Variants in MNT observed in about 807,000 individuals in gnomAD.
MNT encodes MAX network transcriptional repressor.
A neutral mutation model predicts 40.7 loss-of-function variants in MNT; 13 were observed. The observed-to-expected ratio is 0.32, with a 90% CI of 0.21 to 0.51. The LOEUF (loss-of-function observed/expected upper bound fraction) is 0.51, where lower values mean the gene tolerates loss of function less well. MNT is among the 20% of genes least tolerant of loss of function. The pLI, the probability that MNT is intolerant of heterozygous loss-of-function variation, is 0.98. For synonymous variants in MNT, 426 were observed against 354.8 expected (o/e 1.20, Z -2.26); for missense variants, 757 against 792.0 (o/e 0.96, Z 0.53).
intron 4 of MNT, 71 bp downstream of exon 4, chr17:2,393,972 G>C: frequency 9.3e-7 from 1 of 1,078,098 alleles, no homozygotes; most frequent in East Asian, 3.3e-5. Context: ...GCGGGGCGGG[G>C]CGCGGCCGGG....
intron 1 of MNT, among the ~76,000 whole-genome samples, chr17:2,396,262 T>C (rs1046873285): frequency 4.6e-5 from 7 of 152,216 alleles, no homozygotes; most frequent in Non-Finnish European, 8.8e-5. Flanking sequence ...TTCGTCCCTC[T>C]CTGACCCTTC....
intron 1 of MNT, among the ~76,000 whole-genome samples, chr17:2,398,052 G>C (rs1445633355): frequency 1.3e-5 from 2 of 152,240 alleles, no homozygotes; most frequent in Non-Finnish European, 2.9e-5. Context: ...CACAGGGCTA[G>C]GGGTGGAGGA....
intron 1 of MNT, 135 bp downstream of exon 1, chr17:2,400,505 G>C: frequency 1.4e-6 from 1 of 733,092 alleles, no homozygotes; most frequent in Non-Finnish European, 2.1e-6. Context: ...GGCGGCTCTC[G>C]CGGGGAGCCG....
intron 4 of MNT, among the ~76,000 whole-genome samples, chr17:2,393,153 G>A (rs1244621337): frequency 1.5e-5 from 1 of 66,330 alleles, no homozygotes; most frequent in African/African-American, 4.4e-5. Flanking sequence ...CCCCCCCAAC[G>A]CGGGCTGGGA....
Position 2,387,618 on chromosome 17 carries a change from C to T in MNT, c.1032G>A (p.Glu344=), listed in dbSNP as rs2066477944. The T allele has an allele frequency of 1.9e-6, 3 of 1,613,974 alleles. No individual in the cohort carries two copies. The African/African-American group carries it at 4.0e-5, about 22-fold the overall frequency. ...GTGGGCCCAGGCCCGCCCGGTCCTCCTCCATATCCTCGTCTATGTTGTCCT... is the reference window on the plus strand; with the variant it reads ...GTGGGCCCAGGCCCGCCCGGTCCTCTTCCATATCCTCGTCTATGTTGTCCT... ...EGEDNIDEDM[E]EDRAGLGPPK... The change falls in exon 6 of 6, where the codon GAG becomes GAA. Residue 344 remains glutamate (E), a synonymous_variant. Transcript: ENST00000174618.
At chr17:2,393,991 G>A (rs1002932396) in intron 4 of MNT, 52 bp downstream of exon 4, 7 of 1,344,954 alleles carry the variant, frequency 5.2e-6, no homozygotes, top group African/African-American at 1.5e-5. Context: ...GGGGAGGGGC[G>A]GCGGAGGGAG....
In MNT at chr17:2,394,173, G is replaced by C. The variant is rs745589586; in HGVS notation, c.696-19C>G. On this transcript the variant is annotated intron_variant, in intron 3 of 5. Coordinates refer to ENST00000174618, the MANE Select transcript of MNT (RefSeq NM_020310.3). ...GGCCCTCCTGAAGAGAGGGGCGAGC[G>C]CCGGTCAGCGGTGCCTGGGGCGGGG... The C allele has an allele frequency of 2.5e-6, 4 of 1,605,064 alleles. No homozygotes were observed. Among genetic ancestry groups the C allele is most frequent in the Non-Finnish European group, 3.4e-6 (4 of 1,175,486 alleles).
chr17:2,399,931 A>G (rs988486041), intron 1 of MNT, among the ~76,000 whole-genome samples: 2 of 152,190 alleles, frequency 1.3e-5, no homozygotes, highest in Non-Finnish European at 2.9e-5. Context: ...CAAACGCCCA[A>G]TTAGCCCGGC....
chr17:2,400,650 C>G lies in MNT; in HGVS notation c.63G>C (p.Gln21His). The change falls in exon 1 of 6, where the codon CAG becomes CAC. Residue 21 changes from glutamine (Q) to histidine (H), a missense_variant. Around this residue, in one of 4 missense-constraint regions of MNT, gnomAD observed 335 missense variants for 291.4 expected, o/e 1.15. Coordinates refer to ENST00000174618, the MANE Select transcript of MNT (RefSeq NM_020310.3). ...RFLEWQAQQQ[Q>H]RAREEQERLR... The stretch of plus-strand genomic sequence containing the variant: ...AGCCCGGCCGCTCACCACGTGCTCT[C>G]TGTTGTTGCTGCGCTTGCCATTCCA... The G allele has an allele frequency of 1.3e-6, 2 of 1,586,314 alleles. No individual in the cohort carries two copies. The highest frequency in any genetic ancestry group is 2.3e-5 in the South Asian group (2 of 88,076).
intron 4 of MNT, chr17:2,390,197 T>A (rs2066502196): frequency 6.6e-6 from 1 of 152,284 alleles, no homozygotes; most frequent in South Asian, 2.1e-4. Flanking sequence ...GGGTGCTTAC[T>A]CAGCCCCAGG....
chr17:2,394,246 C>T (rs1409728024), intron 3 of MNT, 59 bp downstream of exon 3: 46 of 1,593,902 alleles, frequency 2.9e-5, no homozygotes, highest in Non-Finnish European at 1.6e-5. Context: ...CGAGGGCCGC[C>T]GGGGCCCGGG....
At position 2,400,748 on chromosome 17, in the gene MNT, G is replaced by T; in HGVS notation, c.-36C>A. 6.7e-7 allele frequency: 1 copy of T among 1,501,512 alleles called. No homozygotes were observed. 93.0% of individuals were successfully genotyped at this position (1,501,512 alleles called of 1,614,324 possible). A position where few individuals can be genotyped will look rare whatever the true frequency, so the allele number is the denominator to read the frequency against. On this transcript the variant is annotated 5_prime_UTR_variant, in exon 1 of 6. Coordinates refer to ENST00000174618, the MANE Select transcript of MNT (RefSeq NM_020310.3). Reference sequence around the variant, plus strand: ...GCTGCCGGGGGCGCGCCGGGGCCGAGGCTGCGGCCCGCGAGCCGGGCACAG... The same window carrying T: ...GCTGCCGGGGGCGCGCCGGGGCCGATGCTGCGGCCCGCGAGCCGGGCACAG...
chr17:2,399,526 G>C (rs984925699), intron 1 of MNT, among the ~76,000 whole-genome samples: 3 of 152,164 alleles, frequency 2.0e-5, no homozygotes, highest in Non-Finnish European at 4.4e-5. Flanking sequence ...AGGAGGTTAG[G>C]GGCCAGAGCC....
intron 1 of MNT, among the ~76,000 whole-genome samples, chr17:2,397,875 C>T (rs531137611): frequency 1.1e-3 from 162 of 152,348 alleles, no homozygotes; most frequent in African/African-American, 3.7e-3. Context: ...AGACAGGGTG[C>T]GCCCCCTCAC....
chr17:2,387,151 T>C lies in MNT; in HGVS notation c.1499A>G (p.His500Arg). The C allele has an allele frequency of 6.2e-7, 1 of 1,600,004 alleles. No homozygotes were observed. The highest frequency in any genetic ancestry group is 8.5e-7 in the Non-Finnish European group (1 of 1,174,366). The part of the protein sequence containing the change: ...HITVHPATLN[H>R]VAHLGSQLPL... Reference sequence around the variant, plus strand: ...CAGCTGGGAGCCCAGGTGGGCCACATGGTTGAGGGTGGCAGGGTGCACAGT... The same window carrying C: ...CAGCTGGGAGCCCAGGTGGGCCACACGGTTGAGGGTGGCAGGGTGCACAGT... The change falls in exon 6 of 6, where the codon CAT (histidine) becomes CGT (arginine). Residue 500 changes from histidine (H) to arginine (R), a missense_variant. Transcript: ENST00000174618.
intron 4 of MNT, among the ~76,000 whole-genome samples, chr17:2,389,085 C>G (rs987366178): frequency 6.6e-6 from 1 of 151,936 alleles, no homozygotes; most frequent in Non-Finnish European, 1.5e-5. Context: ...CTCCCTTTAC[C>G]CCCTAGATCT....
chr17:2,400,344 G>A (rs1460438726), intron 1 of MNT: 1 of 321,576 alleles, frequency 3.1e-6, no homozygotes, highest in Non-Finnish European at 5.8e-6. Context: ...GTGCCACCGA[G>A]GGCTCCGCTG....
intron 1 of MNT, among the ~76,000 whole-genome samples, chr17:2,396,094 G>A (rs2066576728): frequency 6.6e-6 from 1 of 152,008 alleles, no homozygotes; most frequent in Non-Finnish European, 1.5e-5. Flanking sequence ...ACAAGGAAGT[G>A]CTGACAGTCC....
chr17:2,396,176 G>T (rs2151671621), intron 1 of MNT, among the ~76,000 whole-genome samples: 1 of 152,310 alleles, frequency 6.6e-6, no homozygotes, highest in Non-Finnish European at 1.5e-5. Context: ...CACACATGTG[G>T]AAACAGCCCA....
Sources: gnomAD v4.1 joint callset for allele counts (sites outside exome capture counted in the v4.1 genomes callset) on GRCh38, gnomAD v4.1.1 for gene constraint, gnomAD v4.1.1 regional missense constraint, MANE v1.5 for transcripts, NCBI Gene and HGNC (gene_info 2026-07-23, HGNC 2026-07-21) for gene names.